Variants in TASP1 observed in about 807,000 individuals in gnomAD.
TASP1 encodes the protein threonine aspartase 1.
In TASP1, 16 loss-of-function variants were observed where a neutral mutation model predicts 56.6. The ratio of observed to expected loss-of-function variants is 0.28; its 90% CI spans 0.19 to 0.43. TASP1 has a LOEUF of 0.43. Ranked by LOEUF, TASP1 falls within the 20% of genes least tolerant of loss-of-function variation. The probability of loss-of-function intolerance (pLI) is 1.00; values close to 1 mark genes in which losing one functional copy is unlikely to be tolerated. For missense variants in TASP1, 393 were observed against 511.6 expected (o/e 0.77, Z 2.24); for synonymous variants, 179 against 184.2 (o/e 0.97, Z 0.23).
At chr20:13,160,845 G>C in the TASP1 span, among the ~76,000 whole-genome samples, 26 of 152,278 alleles carry the variant, frequency 1.7e-4, no homozygotes, top group African/African-American at 6.3e-4. Flanking sequence ...GAAAACTGTG[G>C]GATCATGAAG....
intron 11 of TASP1, among the ~76,000 whole-genome samples, chr20:13,461,474 T>C (rs972733293): frequency 1.3e-5 from 2 of 152,126 alleles, no homozygotes; most frequent in South Asian, 2.1e-4. Flanking sequence ...TAAGAAAATA[T>C]ATGTTTTGGA....
chr20:13,536,105 T>G lies in TASP1; in HGVS notation c.676-1964A>C, dbSNP rs146165168. Among the ~76,000 whole-genome samples the G allele has an allele frequency of 8.0e-3, 1,212 of 152,320 alleles. 6 individuals are homozygous for G. The highest frequency in any genetic ancestry group is 0.013 in the Non-Finnish European group (864 of 68,018). ...AGTTCCCCAGATGCCAAGTTTGATG[T>G]CACCTTTAAGAAGGCTTCTCAAATT... On this transcript the variant is annotated intron_variant, in intron 8 of 13. Transcript: ENST00000337743.
the TASP1 span, among the ~76,000 whole-genome samples, chr20:13,115,023 C>A: frequency 2.6e-5 from 4 of 152,208 alleles, no homozygotes; most frequent in Non-Finnish European, 4.4e-5. Flanking sequence ...ATTATCTTTA[C>A]CTACAGTCGT....
chr20:13,472,814 T>A (rs2044563243), intron 11 of TASP1, among the ~76,000 whole-genome samples: 1 of 150,892 alleles, frequency 6.6e-6, no homozygotes, highest in Non-Finnish European at 1.5e-5. Flanking sequence ...AGAACAGCGA[T>A]CATTAAAAAG....
At chr20:13,282,147 T>G in the TASP1 span, among the ~76,000 whole-genome samples, 2 of 150,598 alleles carry the variant, frequency 1.3e-5, no homozygotes, top group Non-Finnish European at 1.5e-5. Flanking sequence ...ACCTGGGGAA[T>G]TTTTTTTTCA....
rs1351042872 is a variant in TASP1 at position 13,435,092 on chromosome 20, T to C, written c.1048A>G (p.Arg350Gly). ...LGGVIVLRSC[R>G]CSAEPDSSQN... ...GAGGAGTCAGGCTCGGCAGAACATC[T>C]GCATGAACGGAGGACAATCACTCCG... The change falls in exon 12 of 14, where the codon AGA becomes GGA. Residue 350 changes from arginine (R) to glycine (G), a missense_variant. Arg to Gly is a moderately radical substitution (Grantham distance 125). Transcript: ENST00000337743. 3 of 1,611,138 alleles carry C rather than the reference T, an allele frequency of 1.9e-6. No individual in the cohort carries two copies. The highest frequency in any genetic ancestry group is 2.5e-6 in the Non-Finnish European group (3 of 1,178,666).
At chr20:13,251,092 C>T in the TASP1 span, among the ~76,000 whole-genome samples, 1 of 152,130 alleles carries the variant, frequency 6.6e-6, no homozygotes, top group Non-Finnish European at 1.5e-5. Context: ...GGATTTCTGC[C>T]TCCCTCCCTA....
chr20:13,193,472 A>G, the TASP1 span, among the ~76,000 whole-genome samples: 1 of 152,256 alleles, frequency 6.6e-6, no homozygotes, highest in Non-Finnish European at 1.5e-5. Context: ...AGCTACGTCC[A>G]TCAAAACATA....
intron 6 of TASP1, among the ~76,000 whole-genome samples, chr20:13,571,898 T>A (rs1024071918): frequency 3.3e-5 from 5 of 151,992 alleles, no homozygotes; most frequent in African/African-American, 1.2e-4. Context: ...CCCTGAATGT[T>A]CCCTCTGTCT....
the TASP1 span, among the ~76,000 whole-genome samples, chr20:13,289,176 G>A: frequency 7.3e-4 from 111 of 152,308 alleles, no homozygotes; most frequent in Non-Finnish European, 1.4e-3. Flanking sequence ...TGCAGTGGCC[G>A]TGACCTAAAA....
intron 7 of TASP1, among the ~76,000 whole-genome samples, chr20:13,568,170 CA>C (rs1242270047): frequency 2.0e-5 from 3 of 151,898 alleles, no homozygotes; most frequent in African/African-American, 7.3e-5. Context: ...TTTTTAGACA[CA>C]AGGTCTCGCT....
chr20:13,592,859 A>G (rs2047584894), intron 4 of TASP1, among the ~76,000 whole-genome samples: 1 of 152,174 alleles, frequency 6.6e-6, no homozygotes, highest in Non-Finnish European at 1.5e-5. Flanking sequence ...AAATTTCTTC[A>G]GAATGAGGAA....
the TASP1 span, among the ~76,000 whole-genome samples, chr20:13,225,627 T>A: frequency 2.6e-5 from 4 of 152,164 alleles, no homozygotes; most frequent in Non-Finnish European, 4.4e-5. Flanking sequence ...TTGAGTACAC[T>A]CTCCATATTG....
intron 10 of TASP1, among the ~76,000 whole-genome samples, chr20:13,509,272 T>C (rs1174536949): frequency 6.6e-6 from 1 of 151,974 alleles, no homozygotes; most frequent in Non-Finnish European, 1.5e-5. Context: ...AACTACAGCA[T>C]GTTCTCACTT....
chr20:13,398,594 A>T (rs1260598529), intron 13 of TASP1, among the ~76,000 whole-genome samples: 1 of 152,216 alleles, frequency 6.6e-6, no homozygotes, highest in Non-Finnish European at 1.5e-5. Flanking sequence ...ACTACTACAA[A>T]AAATATGCTG....
chr20:13,248,420 G>C, the TASP1 span, among the ~76,000 whole-genome samples: 2 of 152,190 alleles, frequency 1.3e-5, no homozygotes, highest in Non-Finnish European at 2.9e-5. Context: ...CTCCACTCCA[G>C]AGGAAGCTAT....
At chr20:13,264,719 T>C in the TASP1 span, among the ~76,000 whole-genome samples, 1 of 152,190 alleles carries the variant, frequency 6.6e-6, no homozygotes, top group Non-Finnish European at 1.5e-5. Flanking sequence ...GATTGGACAT[T>C]CTTGGTGTTG....
At chr20:13,629,887 GA>G (rs1223545086) in intron 2 of TASP1, 46 bp downstream of exon 2, 1 of 1,607,350 alleles carries the variant, frequency 6.2e-7, no homozygotes. Flanking sequence ...GGCAGAAAAA[GA>G]AAAATCAACA....
intron 10 of TASP1, among the ~76,000 whole-genome samples, chr20:13,497,443 C>T (rs2043774744): frequency 6.6e-6 from 1 of 152,136 alleles, no homozygotes; most frequent in African/African-American, 2.4e-5. Flanking sequence ...GTAAAAATAT[C>T]CCCAGTGACC....
Sources: allele counts gnomAD v4.1 joint callset (sites outside exome capture counted in the v4.1 genomes callset), GRCh38; gene constraint gnomAD v4.1.1; transcripts MANE v1.5; gene names NCBI Gene and HGNC (gene_info 2026-07-23, HGNC 2026-07-21).